SP4: variants seen among roughly 807,000 people sequenced by gnomAD.
SP4 encodes transcription factor Sp4.
A neutral mutation model predicts 72.8 loss-of-function variants in SP4; 19 were observed. The observed-to-expected ratio is 0.26, with a 90% CI of 0.18 to 0.38. SP4 has a LOEUF of 0.38. Among genes scored for constraint, SP4 ranks in the 10% least tolerant of loss-of-function variants. The probability of loss-of-function intolerance (pLI) is 1.00; values close to 1 mark genes in which losing one functional copy is unlikely to be tolerated. For synonymous variants in SP4, 395 were observed against 333.1 expected (o/e 1.19, Z -2.02); for missense variants, 1,008 against 926.3 (o/e 1.09, Z -1.14).
In SP4 at chr7:21,428,189, C is replaced by A; in HGVS notation, c.-63C>A. On this transcript the variant is annotated 5_prime_UTR_variant, in exon 1 of 6. Transcript: ENST00000222584. Reference sequence around the variant, plus strand: ...GGGACCGGCCTCTCCTCCCGCCTCGCCCCCACCCCCACCCACCTCTATCCC... The same window carrying A: ...GGGACCGGCCTCTCCTCCCGCCTCGACCCCACCCCCACCCACCTCTATCCC... The A allele has an allele frequency of 1.8e-6, 1 of 561,400 alleles. No individual in the cohort carries two copies. The highest frequency in any genetic ancestry group is 3.3e-6 in the Non-Finnish European group (1 of 307,610). 34.8% of individuals were successfully genotyped at this position (561,400 alleles called of 1,614,324 possible).
intron 3 of SP4, among the ~76,000 whole-genome samples, chr7:21,472,743 G>A (rs1784386392): frequency 6.6e-6 from 1 of 151,542 alleles, no homozygotes. Context: ...TTCAAGACTG[G>A]TCTGAACAGC....
In SP4 at chr7:21,430,395, A is replaced by G; in HGVS notation, c.1230A>G (p.Gln410=). ...CTATCTTACAGCAGATCCAGATCCA[A>G]CAGCCTCAGCAACAGATCATTCAGG... ...GQPILQQIQI[Q]QPQQQIIQAI... Residue 410 remains glutamine (Q), a synonymous_variant, in exon 3 of 6, where the codon CAA becomes CAG. Coordinates refer to ENST00000222584, the MANE Select transcript of SP4 (RefSeq NM_003112.5). 1.2e-6 allele frequency: 2 copies of G among 1,614,224 alleles called. No homozygotes were observed. Among genetic ancestry groups the G allele is most frequent in the East Asian group, 4.5e-5 (2 of 44,890 alleles).
intron 1 of SP4, 141 bp from the exon 2 acceptor site, chr7:21,428,536 C>A: frequency 2.1e-6 from 2 of 961,570 alleles, no homozygotes; most frequent in Non-Finnish European, 3.0e-6. Flanking sequence ...TTCTCCCCCA[C>A]CCCCTGCCGG....
At chr7:21,507,315 A>G (rs1184953380) in intron 5 of SP4, among the ~76,000 whole-genome samples, 1 of 152,224 alleles carries the variant, frequency 6.6e-6, no homozygotes, top group Non-Finnish European at 1.5e-5. Context: ...GGAATAGGGA[A>G]GTTCTCAATA....
chr7:21,508,098 C>A (rs1782050655), intron 5 of SP4, among the ~76,000 whole-genome samples: 1 of 152,144 alleles, frequency 6.6e-6, no homozygotes, highest in African/African-American at 2.4e-5. Context: ...ATAACAGTCT[C>A]AGGTTTGTCT....
At chr7:21,501,240 G>A (rs978344908) in intron 5 of SP4, among the ~76,000 whole-genome samples, 16 of 152,066 alleles carry the variant, frequency 1.1e-4, no homozygotes, top group African/African-American at 3.6e-4. Flanking sequence ...TGACCTTCTA[G>A]GTGCGTGAGC....
intron 5 of SP4, among the ~76,000 whole-genome samples, chr7:21,498,800 G>A (rs931235820): frequency 2.6e-4 from 39 of 152,154 alleles, no homozygotes; most frequent in African/African-American, 8.7e-4. Flanking sequence ...AAAAGAAATC[G>A]TTAGGCCGGG....
At chr7:21,483,811 C>T (rs2128411633) in intron 5 of SP4, among the ~76,000 whole-genome samples, 1 of 150,456 alleles carries the variant, frequency 6.6e-6, no homozygotes, top group Admixed American at 6.6e-5. Context: ...CTTTTTTTGC[C>T]CAGAACACCT....
intron 3 of SP4, among the ~76,000 whole-genome samples, chr7:21,444,275 C>T (rs909186497): frequency 6.6e-6 from 1 of 152,128 alleles, no homozygotes; most frequent in African/African-American, 2.4e-5. Flanking sequence ...ATGCAGTTTT[C>T]TTTAATGAAT....
At position 21,455,882 on chromosome 7, in the gene SP4, C is replaced by T. The variant is rs144362097; in HGVS notation, c.1679-21197C>T. Among the ~76,000 whole-genome samples, 6 of 152,240 alleles carry T rather than the reference C, an allele frequency of 3.9e-5. No individual in the cohort carries two copies. The East Asian group carries it at 7.7e-4, about 20-fold the overall frequency. ...TCTCTTTTCTCAGATTCCCATTTTC[C>T]GTGTTCTTTAAGTAGATGAGAAGCC... On this transcript the variant is annotated intron_variant, in intron 3 of 5. Transcript: ENST00000222584.
chr7:21,483,703 G>T (rs761917829), intron 5 of SP4, among the ~76,000 whole-genome samples: 11 of 151,696 alleles, frequency 7.3e-5, no homozygotes, highest in Admixed American at 2.0e-4. Flanking sequence ...CTATTTGCCA[G>T]TTCCTACACC....
intron 2 of SP4, 35 bp from the exon 3 acceptor site, chr7:21,429,254 C>CT (rs996857175): frequency 7.5e-6 from 7 of 933,480 alleles, no homozygotes; most frequent in Non-Finnish European, 1.0e-5. Context: ...CTTTTTTTCC[C>CT]CCCCCCCTCT....
At chr7:21,484,728 A>T (rs888561209) in intron 5 of SP4, among the ~76,000 whole-genome samples, 1 of 151,860 alleles carries the variant, frequency 6.6e-6, no homozygotes. Flanking sequence ...GAAGCCAAGA[A>T]AATTTTCTAC....
chr7:21,493,750 A>G (rs1785037912), intron 5 of SP4, among the ~76,000 whole-genome samples: 1 of 152,184 alleles, frequency 6.6e-6, no homozygotes, highest in Non-Finnish European at 1.5e-5. Flanking sequence ...TTCATTGACA[A>G]ATTCTACCAT....
Position 21,429,918 on chromosome 7 carries a change from T to C in SP4, c.753T>C (p.Ala251=), listed in dbSNP as rs1190562602. The C allele has an allele frequency of 6.2e-7, 1 of 1,614,178 alleles. No homozygotes were observed. The part of the protein sequence containing the change: ...LQLQTLPGTQ[A]QVVTTLPINI... ...TACAGACTCTTCCTGGTACTCAGGC[T>C]CAAGTTGTAACAACCCTACCAATTA... Residue 251 remains alanine (A), a synonymous_variant, in exon 3 of 6, where the codon GCT becomes GCC. Transcript: ENST00000222584.
intron 3 of SP4, among the ~76,000 whole-genome samples, chr7:21,475,205 C>T (rs1738161405): frequency 6.6e-6 from 1 of 151,696 alleles, no homozygotes; most frequent in Admixed American, 6.6e-5. Flanking sequence ...ACCTCTGCCT[C>T]CCGGGTTCAA....
chr7:21,501,685 A>C (rs1781865797), intron 5 of SP4, among the ~76,000 whole-genome samples: 1 of 152,026 alleles, frequency 6.6e-6, no homozygotes, highest in African/African-American at 2.4e-5. Flanking sequence ...CAATTCCAGC[A>C]TTTTCTGCCA....
intron 3 of SP4, among the ~76,000 whole-genome samples, chr7:21,442,641 G>A (rs967446206): frequency 2.6e-5 from 4 of 152,118 alleles, no homozygotes; most frequent in African/African-American, 9.7e-5. Flanking sequence ...GAGACTCAAA[G>A]GATGACTAAA....
chr7:21,488,355 T>G (rs1784878752), intron 5 of SP4, among the ~76,000 whole-genome samples: 1 of 152,156 alleles, frequency 6.6e-6, no homozygotes, highest in Admixed American at 6.5e-5. Flanking sequence ...TGTTTTATGT[T>G]CCATGTCTCC....
Sources: gnomAD v4.1 joint callset for allele counts (sites outside exome capture counted in the v4.1 genomes callset) on GRCh38, gnomAD v4.1.1 for gene constraint, MANE v1.5 for transcripts, NCBI Gene and HGNC (gene_info 2026-07-23, HGNC 2026-07-21) for gene names.